Variants in LRP2 observed in about 807,000 individuals in gnomAD.
LRP2 encodes LDL receptor related protein 2, also known as low-density lipoprotein receptor-related protein 2.
A neutral mutation model predicts 531.0 loss-of-function variants in LRP2; 172 were observed. That is an observed-to-expected ratio of 0.32 (90% CI 0.29 to 0.37). The LOEUF (loss-of-function observed/expected upper bound fraction) is 0.37, where lower values mean the gene tolerates loss of function less well. LRP2 is among the 10% of genes least tolerant of loss of function. The probability of loss-of-function intolerance (pLI) is 1.00; values close to 1 mark genes in which losing one functional copy is unlikely to be tolerated. For missense variants in LRP2, 5,167 were observed against 5,868.3 expected (o/e 0.88, Z 3.90); for synonymous variants, 1,992 against 2,027.6 (o/e 0.98, Z 0.47).
intron 3 of LRP2, among the ~76,000 whole-genome samples, chr2:169,317,269 C>T (rs1032748732): frequency 2.6e-5 from 4 of 152,146 alleles, no homozygotes; most frequent in African/African-American, 4.8e-5. Context: ...CACATTGAAT[C>T]GCAAAATAAA....
At chr2:169,256,303 C>CTCTG in intron 18 of LRP2, 67 bp from the exon 19 acceptor site, 1 of 1,301,896 alleles carries the variant, frequency 7.7e-7, no homozygotes, top group Non-Finnish European at 1.1e-6. Context: ...ACACAAAGGG[C>CTCTG]ATCCAAAAAC....
intron 76 of LRP2, among the ~76,000 whole-genome samples, chr2:169,134,162 T>C (rs1237462306): frequency 7.2e-5 from 11 of 151,880 alleles, no homozygotes; most frequent in Non-Finnish European, 1.5e-5. Context: ...TTGACCTTAC[T>C]GTTTTAGCCT....
intron 30 of LRP2, among the ~76,000 whole-genome samples, chr2:169,232,633 G>T (rs548166385): frequency 3.3e-5 from 5 of 152,248 alleles, no homozygotes; most frequent in African/African-American, 1.2e-4. Context: ...GTCAATGAGG[G>T]CCTCTCTGAG....
intron 1 of LRP2, among the ~76,000 whole-genome samples, chr2:169,338,349 A>AAAG (rs1219777871): frequency 1.6e-5 from 2 of 122,012 alleles, no homozygotes; most frequent in African/African-American, 6.6e-5. Flanking sequence ...AGAAAGAAGG[A>AAAG]AAGAAAGAAG....
chr2:169,277,684 G>A, intron 13 of LRP2, 61 bp downstream of exon 13: 1 of 1,429,114 alleles, frequency 7.0e-7, no homozygotes, highest in Admixed American at 1.7e-5. Flanking sequence ...TTTCTCTGCA[G>A]CCATTTTATG....
At chr2:169,132,421 G>T (rs574653937) in intron 77 of LRP2, among the ~76,000 whole-genome samples, 153 bp downstream of exon 77, 1 of 152,262 alleles carries the variant, frequency 6.6e-6, no homozygotes, top group East Asian at 1.9e-4. Flanking sequence ...TTCAATCTAT[G>T]ACTTTTTAAA....
chr2:169,333,372 A>C (rs1685315725), intron 1 of LRP2, among the ~76,000 whole-genome samples: 1 of 152,004 alleles, frequency 6.6e-6, no homozygotes, highest in African/African-American at 2.4e-5. Flanking sequence ...TACCCAGCCT[A>C]CCCTCAATAA....
At chr2:169,209,720 C>T in intron 37 of LRP2, 79 bp from the exon 38 acceptor site, 1 of 1,363,602 alleles carries the variant, frequency 7.3e-7, no homozygotes, top group Non-Finnish European at 1.0e-6. Flanking sequence ...CCTCTCAAAC[C>T]CTCATTCCCA....
Position 169,128,682 on chromosome 2 carries a change from T to A in LRP2, c.13949A>T (p.Lys4650Ile). 1 of 1,614,160 alleles carries A rather than the reference T, an allele frequency of 6.2e-7. No homozygotes were observed. Among genetic ancestry groups the A allele is most frequent in the Non-Finnish European group, 8.5e-7 (1 of 1,179,986 alleles). The change falls in exon 79 of 79, where the codon AAA (lysine) becomes ATA (isoleucine). Residue 4650 changes from lysine (K) to isoleucine (I), a missense_variant. By Grantham distance (102) the Lys-to-Ile change is moderately radical (BLOSUM62 -3). This residue lies in a region of LRP2 where 348 missense variants were observed against 369.3 expected (regional missense o/e 0.94). Coordinates refer to ENST00000649046, the MANE Select transcript of LRP2 (RefSeq NM_004525.3). ...DTFKDTANLV[K>I]EDSEV ...GTATAGCTATACTTCAGAGTCTTCT[T>A]TAACAAGATTTGCGGTGTCTTTAAA...
intron 62 of LRP2, 50 bp downstream of exon 62, chr2:169,165,882 G>T: frequency 6.2e-7 from 1 of 1,612,098 alleles, no homozygotes; most frequent in South Asian, 1.1e-5. Context: ...CCAAACTGCA[G>T]ACCACTTGGG....
At chr2:169,303,131 A>T (rs1684327046) in intron 4 of LRP2, among the ~76,000 whole-genome samples, 1 of 152,180 alleles carries the variant, frequency 6.6e-6, no homozygotes. Context: ...CATTGATGTA[A>T]TTGAGTGATG....
intron 4 of LRP2, among the ~76,000 whole-genome samples, chr2:169,299,152 AAAG>A (rs1242176612): frequency 2.6e-4 from 3 of 11,414 alleles, no homozygotes; most frequent in African/African-American, 4.5e-4. Flanking sequence ...AGAAAGAAAG[AAAG>A]AAAAAAAGAA....
chr2:169,357,439 C>A (rs1459056167), intron 1 of LRP2, among the ~76,000 whole-genome samples: 1 of 152,004 alleles, frequency 6.6e-6, no homozygotes, highest in African/African-American at 2.4e-5. Flanking sequence ...TCAAGCAGTT[C>A]TCCTGCCTCA....
rs1424351899 is a variant in LRP2, at chr2:169,128,656, G to A, written c.*7C>T. ...GTTTCTAATTATTCCCTAAATAGCT[G>A]GTATAGCTATACTTCAGAGTCTTCT... is the stretch of plus-strand genomic sequence containing the variant. On this transcript the variant is annotated 3_prime_UTR_variant, in exon 79 of 79. Coordinates refer to ENST00000649046, the MANE Select transcript of LRP2 (RefSeq NM_004525.3). 1 of 1,610,828 alleles carries A rather than the reference G, an allele frequency of 6.2e-7. No individual in the cohort carries two copies. The highest frequency in any genetic ancestry group is 1.7e-5 in the Admixed American group (1 of 59,984).
At chr2:169,157,745 G>A (rs1285355376) in intron 63 of LRP2, among the ~76,000 whole-genome samples, 2 of 151,820 alleles carry the variant, frequency 1.3e-5, no homozygotes, top group African/African-American at 4.8e-5. Flanking sequence ...CACATTATAT[G>A]CAGCACTCCT....
At chr2:169,270,791 T>TAAAC (rs1325736906) in intron 16 of LRP2, 113 bp downstream of exon 16, 5 of 482,110 alleles carry the variant, frequency 1.0e-5, no homozygotes, top group Non-Finnish European at 1.7e-5. Flanking sequence ...AATAAATAAA[T>TAAAC]AAGACTGCTT....
chr2:169,153,386 A>G (rs1382212147), intron 66 of LRP2, among the ~76,000 whole-genome samples: 2 of 152,212 alleles, frequency 1.3e-5, no homozygotes, highest in Non-Finnish European at 2.9e-5. Context: ...TTTTATATAC[A>G]GACAGAAGGA....
rs764141527 is a variant in LRP2, at chr2:169,246,981, T to C, written c.2914A>G (p.Asn972Asp). The C allele has an allele frequency of 3.7e-6, 6 of 1,614,062 alleles. No individual in the cohort carries two copies. The highest frequency in any genetic ancestry group is 2.2e-5 in the South Asian group (2 of 91,082). ...GGATGCGTGGGTTGATTACAGGCGT[T>C]AGAACCTGCAAAAGCAAAGCCCCGA... ...SYDVNIQTGS[N>D]ACNQPTHPNG... Residue 972 changes from asparagine to aspartate, a missense_variant, in exon 21 of 79, where the codon AAC (asparagine) becomes GAC (aspartate). Around this residue, in one of 6 missense-constraint regions of LRP2, gnomAD observed 2,811 missense variants for 3,058.0 expected, o/e 0.92. Coordinates refer to ENST00000649046, the MANE Select transcript of LRP2 (RefSeq NM_004525.3).
At chr2:169,204,962 G>A (rs1224821695) in intron 41 of LRP2, among the ~76,000 whole-genome samples, 1 of 151,700 alleles carries the variant, frequency 6.6e-6, no homozygotes, top group Admixed American at 6.6e-5. Context: ...AATGCGCTGA[G>A]GAGAAGCTTG....
Sources: allele counts gnomAD v4.1 joint callset (sites outside exome capture counted in the v4.1 genomes callset), GRCh38; gene constraint gnomAD v4.1.1; regional missense constraint gnomAD v4.1.1; transcripts MANE v1.5; gene names NCBI Gene and HGNC (gene_info 2026-07-23, HGNC 2026-07-21).